The following SND1 variants were observed in gnomAD, a reference collection of about 807,000 sequenced individuals.
SND1 encodes the protein staphylococcal nuclease domain-containing protein 1.
In SND1, 38 loss-of-function variants were observed where a neutral mutation model predicts 121.7. The ratio of observed to expected loss-of-function variants is 0.31; its 90% CI spans 0.24 to 0.41. The LOEUF is 0.41. Ranked by LOEUF, SND1 falls within the 10% of genes least tolerant of loss-of-function variation. The pLI, the probability that SND1 is intolerant of heterozygous loss-of-function variation, is 1.00. For synonymous variants in SND1, 401 were observed against 447.4 expected (o/e 0.90, Z 1.31); for missense variants, 868 against 1,184.6 (o/e 0.73, Z 3.92).
intron 3 of SND1, among the ~76,000 whole-genome samples, chr7:127,697,134 C>G (rs1255739531): frequency 1.3e-5 from 2 of 152,072 alleles, no homozygotes; most frequent in African/African-American, 2.4e-5. Flanking sequence ...GATTAGTTTT[C>G]TGGCTTTTGA....
intron 15 of SND1, among the ~76,000 whole-genome samples, chr7:127,967,573 G>C (rs1299607859): frequency 2.6e-5 from 4 of 152,164 alleles, no homozygotes; most frequent in Non-Finnish European, 5.9e-5. Context: ...TCTAGGAGAT[G>C]CAAGCCTTTT....
At chr7:127,819,065 ACCTCTAATT>A (rs1798499467) in intron 11 of SND1, among the ~76,000 whole-genome samples, 1 of 152,234 alleles carries the variant, frequency 6.6e-6, no homozygotes, top group South Asian at 2.1e-4. Flanking sequence ...CATGTTTGAC[ACCTCTAATT>A]CCTTGTGTTT....
intron 10 of SND1, among the ~76,000 whole-genome samples, chr7:127,782,856 A>T (rs1006206107): frequency 6.6e-6 from 1 of 152,186 alleles, no homozygotes; most frequent in African/African-American, 2.4e-5. Flanking sequence ...CAACTGCTGT[A>T]TGTGTATTCG....
At chr7:127,923,219 G>C (rs1253667137) in intron 14 of SND1, among the ~76,000 whole-genome samples, 1 of 152,178 alleles carries the variant, frequency 6.6e-6, no homozygotes, top group Non-Finnish European at 1.5e-5. Context: ...TCCCATCTCA[G>C]CCTCTCAGAG....
intron 14 of SND1, among the ~76,000 whole-genome samples, chr7:127,919,930 A>G (rs1800663546): frequency 6.6e-6 from 1 of 152,220 alleles, no homozygotes; most frequent in Non-Finnish European, 1.5e-5. Context: ...ATTGGAAGGT[A>G]TACCTCCCAG....
chr7:127,706,511 G>A (rs1411773908), intron 8 of SND1, among the ~76,000 whole-genome samples: 1 of 152,030 alleles, frequency 6.6e-6, no homozygotes, highest in Non-Finnish European at 1.5e-5. Flanking sequence ...GCCCGCCTTG[G>A]CCTCCCAAAG....
At chr7:127,891,466 C>T (rs555448773) in intron 13 of SND1, among the ~76,000 whole-genome samples, 2 of 152,228 alleles carry the variant, frequency 1.3e-5, no homozygotes, top group South Asian at 2.1e-4. Flanking sequence ...ACCTCTCTCA[C>T]GTTACAGCGT....
At chr7:127,807,607 T>G in intron 11 of SND1, 34 bp downstream of exon 11, 1 of 1,547,550 alleles carries the variant, frequency 6.5e-7, no homozygotes, top group South Asian at 1.1e-5. Flanking sequence ...TATTTGCAAG[T>G]GGTTGGGCTT....
At chr7:127,858,082 G>T in intron 12 of SND1, 3 of 1,019,766 alleles carry the variant, frequency 2.9e-6, no homozygotes, top group South Asian at 1.3e-5. Context: ...CTGGGTAGGG[G>T]TTGGGGTCTC....
chr7:127,915,589 A>G (rs1244172349), intron 14 of SND1, among the ~76,000 whole-genome samples: 1 of 152,238 alleles, frequency 6.6e-6, no homozygotes. Context: ...TTGAGAATAT[A>G]TTAAACAAGA....
chr7:128,080,318 C>T (rs1259240494), intron 17 of SND1, among the ~76,000 whole-genome samples: 9 of 152,246 alleles, frequency 5.9e-5, no homozygotes, highest in Non-Finnish European at 1.0e-4. Context: ...GGACTTGACA[C>T]GCTGTCGCGT....
chr7:127,790,513 A>G (rs1317982352), intron 10 of SND1, among the ~76,000 whole-genome samples: 3 of 152,182 alleles, frequency 2.0e-5, no homozygotes, highest in African/African-American at 7.2e-5. Context: ...TGCTCCTGCC[A>G]TTTTTAGTGG....
At position 127,944,686 on chromosome 7, in the gene SND1, T is replaced by C. The variant is rs141079524; in HGVS notation, c.1669+15357T>C. 5.8e-4 allele frequency among the ~76,000 whole-genome samples: 88 copies of C among 152,284 alleles called. 1 individual carries two copies. The highest frequency in any genetic ancestry group is 1.9e-3 in the African/African-American group (77 of 41,574). Reference sequence around the variant, plus strand: ...GAAATGAACTTCACCTGAGAGTGAATTGAGCCCTGCATTGATTACTGTAGT... The same window carrying C: ...GAAATGAACTTCACCTGAGAGTGAACTGAGCCCTGCATTGATTACTGTAGT... On this transcript the variant is annotated intron_variant, in intron 15 of 23. Transcript: ENST00000354725.
At chr7:127,804,583 A>G (rs1254914222) in intron 10 of SND1, among the ~76,000 whole-genome samples, 4 of 152,102 alleles carry the variant, frequency 2.6e-5, no homozygotes, top group African/African-American at 4.8e-5. Flanking sequence ...CAGCCAACTG[A>G]CATTCCTTTC....
intron 14 of SND1, among the ~76,000 whole-genome samples, chr7:127,926,721 T>TGG: frequency 1.6e-5 from 1 of 63,440 alleles, no homozygotes. Flanking sequence ...CCCGGCTATT[T>TGG]TGTTGTTGTT....
intron 9 of SND1, among the ~76,000 whole-genome samples, chr7:127,717,854 G>A (rs1026055874): frequency 3.3e-5 from 5 of 152,160 alleles, no homozygotes; most frequent in Admixed American, 3.3e-4. Context: ...TGTTTTATGT[G>A]TGCTTCAGGG....
chr7:127,926,800 C>T (rs1452782723), intron 14 of SND1, among the ~76,000 whole-genome samples: 1 of 151,204 alleles, frequency 6.6e-6, no homozygotes, highest in Admixed American at 6.6e-5. Context: ...ACCGTGTTAG[C>T]CAGGATACTC....
At chr7:127,766,947 T>C (rs1453721366) in intron 10 of SND1, among the ~76,000 whole-genome samples, 1 of 152,084 alleles carries the variant, frequency 6.6e-6, no homozygotes, top group Non-Finnish European at 1.5e-5. Context: ...TTGTGGTTTG[T>C]AAAGTGCTGT....
chr7:127,801,966 C>T (rs1039459624), intron 10 of SND1, among the ~76,000 whole-genome samples: 8 of 152,054 alleles, frequency 5.3e-5, no homozygotes, highest in African/African-American at 1.7e-4. Context: ...CTCAGCCTCC[C>T]GAGTAGCTGG....
Sources: gnomAD v4.1 joint callset for allele counts (sites outside exome capture counted in the v4.1 genomes callset) on GRCh38, gnomAD v4.1.1 for gene constraint, MANE v1.5 for transcripts, NCBI Gene and HGNC (gene_info 2026-07-23, HGNC 2026-07-21) for gene names.